DNAH10: variants seen among roughly 807,000 people sequenced by gnomAD.
DNAH10 encodes the protein dynein axonemal heavy chain 10.
A neutral mutation model predicts 506.6 loss-of-function variants in DNAH10; 348 were observed. That is an observed-to-expected ratio of 0.69 (90% CI 0.63 to 0.75). The LOEUF (loss-of-function observed/expected upper bound fraction) is 0.75. Ranked by LOEUF, DNAH10 falls within the 30% of genes least tolerant of loss-of-function variation. DNAH10 has a pLI of 0.00. For synonymous variants in DNAH10, 2,059 were observed against 2,198.6 expected (o/e 0.94, Z 1.78); for missense variants, 5,179 against 5,787.1 (o/e 0.89, Z 3.41).
At chr12:123,810,000 A>T (rs1460567683) in intron 19 of DNAH10, among the ~76,000 whole-genome samples, 1 of 152,056 alleles carries the variant, frequency 6.6e-6, no homozygotes, top group Non-Finnish European at 1.5e-5. Context: ...CCTACCACGT[A>T]CCACTCTCCG....
chr12:123,774,077 G>T (rs1174536623), intron 4 of DNAH10, 72 bp from the exon 5 acceptor site: 1 of 962,182 alleles, frequency 1.0e-6, no homozygotes, highest in Non-Finnish European at 1.6e-6. Flanking sequence ...GAAGATTCCT[G>T]TTCTCTTGGA....
At chr12:123,866,157 T>A in intron 41 of DNAH10, 84 bp downstream of exon 41, 1 of 1,230,396 alleles carries the variant, frequency 8.1e-7, no homozygotes, top group Non-Finnish European at 1.1e-6. Flanking sequence ...TGTTTGTAGT[T>A]GAAGGCGATG....
chr12:123,765,187 C>T (rs947668824), intron 1 of DNAH10, among the ~76,000 whole-genome samples: 15 of 151,730 alleles, frequency 9.9e-5, no homozygotes, highest in Admixed American at 7.2e-4. Context: ...GTAATAAAGG[C>T]GAGGTGTCCT....
At chr12:123,871,959 A>G (rs571078450) in intron 45 of DNAH10, among the ~76,000 whole-genome samples, 8 of 152,270 alleles carry the variant, frequency 5.3e-5, no homozygotes, top group Admixed American at 4.6e-4. Context: ...AGATGCTATG[A>G]TGTCTTTTAT....
chr12:123,819,960 C>T (rs879731151), intron 23 of DNAH10, among the ~76,000 whole-genome samples: 1 of 152,122 alleles, frequency 6.6e-6, no homozygotes, highest in Non-Finnish European at 1.5e-5. Flanking sequence ...CCGCCTCAGC[C>T]TCCCAAAGTG....
intron 57 of DNAH10, among the ~76,000 whole-genome samples, chr12:123,904,764 G>C (rs1465034887): frequency 6.6e-6 from 1 of 152,160 alleles, no homozygotes; most frequent in Non-Finnish European, 1.5e-5. Context: ...GGCTGCATCA[G>C]GGTCTTCATG....
chr12:123,884,752 A>G (rs1266962367), intron 51 of DNAH10, among the ~76,000 whole-genome samples: 1 of 152,150 alleles, frequency 6.6e-6, no homozygotes, highest in Non-Finnish European at 1.5e-5. Context: ...AGTAAGAATC[A>G]CTATTGTTAT....
At position 123,850,928 on chromosome 12, in the gene DNAH10, T is replaced by C; in HGVS notation, c.6143T>C (p.Ile2048Thr). 1 of 1,613,742 alleles carries C rather than the reference T, an allele frequency of 6.2e-7. No homozygotes were observed. The highest frequency in any genetic ancestry group is 8.5e-7 in the Non-Finnish European group (1 of 1,179,804). The change falls in exon 35 of 79, where the codon ATC becomes ACC. Residue 2048 changes from isoleucine to threonine, a missense_variant. Coordinates refer to ENST00000673944, the MANE Select transcript of DNAH10 (RefSeq NM_001372106.1). The surrounding 1 kb of genome is among the most constrained non-coding windows in gnomAD (Gnocchi z 5.5). Reference protein sequence around the residue: ...QEISLDSRMGIFITMNPGYAG... With the variant: ...QEISLDSRMGTFITMNPGYAG... ...ATTTCCCTGGACTCCCGCATGGGCATCTTCATCACCATGAACCCCGGCTAC... is the reference window on the plus strand; with the variant it reads ...ATTTCCCTGGACTCCCGCATGGGCACCTTCATCACCATGAACCCCGGCTAC...
At chr12:123,930,335 C>G in intron 72 of DNAH10, 67 bp from the exon 73 acceptor site, 1 of 1,410,368 alleles carries the variant, frequency 7.1e-7, no homozygotes, top group South Asian at 1.7e-5. Flanking sequence ...GCCTCTGGCC[C>G]CGGGCCCCCA....
At chr12:123,801,518 A>G (rs1051440947) in intron 16 of DNAH10, 86 bp downstream of exon 16, 28 of 1,500,264 alleles carry the variant, frequency 1.9e-5, no homozygotes, top group Non-Finnish European at 6.3e-6. Flanking sequence ...TACCATTTTC[A>G]TATGTTTATA....
At chr12:123,786,959 G>T (rs1210615097) in intron 9 of DNAH10, among the ~76,000 whole-genome samples, 2 of 152,122 alleles carry the variant, frequency 1.3e-5, no homozygotes, top group African/African-American at 2.4e-5. Context: ...CCAACATGGT[G>T]AAATCCTGTC....
intron 72 of DNAH10, 145 bp from the exon 73 acceptor site, chr12:123,930,257 G>C (rs1056521275): frequency 1.8e-5 from 13 of 722,130 alleles, no homozygotes; most frequent in Middle Eastern, 4.0e-4. Context: ...TGGCCCGAAA[G>C]GTTATGCAAG....
In DNAH10 at chr12:123,805,014, TGAG is replaced by T; in HGVS notation, c.2963_2965del (p.Glu988del). 1 of 1,614,196 alleles carries T rather than the reference TGAG, an allele frequency of 6.2e-7. No homozygotes were observed. The highest frequency in any genetic ancestry group is 8.5e-7 in the Non-Finnish European group (1 of 1,180,042). ...ACAAATACTGGGAAAAGAAAATTTA[TGAG>T]GTCCTGACAAAGCTCATCCTGAAGT... On this transcript the variant is annotated inframe_deletion, in exon 18 of 79. Transcript: ENST00000673944.
Position 123,770,141 on chromosome 12 carries a change from G to A in DNAH10, c.299-1460G>A, listed in dbSNP as rs1213408079. 5.9e-5 allele frequency among the ~76,000 whole-genome samples: 9 copies of A among 151,992 alleles called. No individual in the cohort carries two copies. The East Asian group carries it at 1.7e-3, about 29-fold the overall frequency. ...CATGTACCTGTAATCCCAGCTACTC[G>A]GGAGGCTGAGGCAGGAGAATTGCTT... is the stretch of plus-strand genomic sequence containing the variant. On this transcript the variant is annotated intron_variant, in intron 2 of 78. Coordinates refer to ENST00000673944, the MANE Select transcript of DNAH10 (RefSeq NM_001372106.1).
Position 123,865,963 on chromosome 12 carries a change from CA to C in DNAH10, c.7058del (p.Gln2353ArgfsTer21). ...CALLFEVGDL[Q>X]YASPATVSRC... The stretch of plus-strand genomic sequence containing the variant: ...TTTATTTATCCAGGTTGGAGATTTA[CA>C]GTATGCCTCCCCTGCAACTGTCTCT... On this transcript the variant is annotated frameshift_variant, in exon 41 of 79. Transcript: ENST00000673944. LOFTEE classifies it high-confidence loss of function. 6.2e-7 allele frequency: 1 copy of C among 1,604,312 alleles called. No individual in the cohort carries two copies. The highest frequency in any genetic ancestry group is 8.5e-7 in the Non-Finnish European group (1 of 1,176,790).
At position 123,907,635 on chromosome 12, in the gene DNAH10, G is replaced by A. The variant is rs550284993; in HGVS notation, c.9816-1626G>A. ...CTACTTCACAGATGGGGAAACTGAC[G>A]CCCTGGCTGGTTCCTAACTTGCCCA... On this transcript the variant is annotated intron_variant, in intron 57 of 78. Transcript: ENST00000673944. This position sits in a 1 kb window ranked among gnomAD's most constrained non-coding sequence, Gnocchi z 4.4. 2.6e-5 allele frequency among the ~76,000 whole-genome samples: 4 copies of A among 152,156 alleles called. No homozygotes were observed. Among genetic ancestry groups the A allele is most frequent in the African/African-American group, 7.2e-5 (3 of 41,430 alleles).
chr12:123,894,513 C>T, intron 53 of DNAH10, 130 bp from the exon 54 acceptor site: 5 of 750,098 alleles, frequency 6.7e-6, no homozygotes, highest in Non-Finnish European at 6.6e-6. Flanking sequence ...CCGCCTTGGC[C>T]TCCCAAAGTG....
intron 56 of DNAH10, among the ~76,000 whole-genome samples, chr12:123,901,912 C>T (rs1477512052): frequency 1.3e-5 from 2 of 152,138 alleles, no homozygotes; most frequent in Admixed American, 1.3e-4. Flanking sequence ...CTACCTGCCT[C>T]GGCCTCCCAA....
Position 123,786,254 on chromosome 12 carries a change from T to C in DNAH10, c.1421+318T>C, listed in dbSNP as rs994448439. Among the ~76,000 whole-genome samples, 4 of 151,374 alleles carry C rather than the reference T, an allele frequency of 2.6e-5. 1 individual carries two copies. The highest frequency in any genetic ancestry group is 5.9e-5 in the Non-Finnish European group (4 of 67,866). On this transcript the variant is annotated intron_variant, in intron 9 of 78. Coordinates refer to ENST00000673944, the MANE Select transcript of DNAH10 (RefSeq NM_001372106.1). Reference sequence around the variant, plus strand: ...ATTGCTTGAACCTGGGAGGCGGAGGTTGCAGTGAGTGGAGATCACACCATT... The same window carrying C: ...ATTGCTTGAACCTGGGAGGCGGAGGCTGCAGTGAGTGGAGATCACACCATT...
Sources: allele counts gnomAD v4.1 joint callset (sites outside exome capture counted in the v4.1 genomes callset), GRCh38; gene constraint gnomAD v4.1.1; non-coding constraint Gnocchi (gnomAD v3.1); transcripts MANE v1.5; gene names NCBI Gene and HGNC (gene_info 2026-07-23, HGNC 2026-07-21).